The following AUTS2 variants were observed in gnomAD, a reference collection of about 807,000 sequenced individuals.
AUTS2 encodes the protein autism susceptibility gene 2 protein.
AUTS2 carries 17 observed loss-of-function variants against 112.4 expected under a neutral mutation model. That is an observed-to-expected ratio of 0.15 (90% CI 0.10 to 0.23). AUTS2 has a LOEUF of 0.23. Ranked by LOEUF, AUTS2 falls within the 10% of genes least tolerant of loss-of-function variation. The pLI is 1.00. For synonymous variants in AUTS2, 751 were observed against 702.7 expected, an observed-to-expected ratio of 1.07 and a Z score of -1.09; for missense variants, 1,510 against 1,701.6, an observed-to-expected ratio of 0.89 and a Z score of 1.98.
chr7:69,957,033 T>C (rs1004852517), intron 2 of AUTS2, among the ~76,000 whole-genome samples: 1 of 151,822 alleles, frequency 6.6e-6, no homozygotes, highest in African/African-American at 2.4e-5. Flanking sequence ...TGACTAAGTT[T>C]TTTCTTTTTG....
At chr7:69,749,841 CTT>C (rs1787661541) in intron 1 of AUTS2, among the ~76,000 whole-genome samples, 1 of 152,122 alleles carries the variant, frequency 6.6e-6, no homozygotes, top group Non-Finnish European at 1.5e-5. Flanking sequence ...CATTTTGCCT[CTT>C]GAGTGCCATT....
At chr7:70,076,103 C>G (rs1803015905) in intron 2 of AUTS2, among the ~76,000 whole-genome samples, 1 of 152,100 alleles carries the variant, frequency 6.6e-6, no homozygotes. Context: ...TTTACCAACC[C>G]CTGCTTTAGA....
chr7:69,627,774 A>G (rs1794027045), intron 1 of AUTS2, among the ~76,000 whole-genome samples: 1 of 152,162 alleles, frequency 6.6e-6, no homozygotes, highest in African/African-American at 2.4e-5. Context: ...CTTTGCCACT[A>G]CCTAGCTGTG....
At chr7:70,236,430 G>A (rs1812331085) in intron 4 of AUTS2, among the ~76,000 whole-genome samples, 1 of 152,108 alleles carries the variant, frequency 6.6e-6, no homozygotes, top group Admixed American at 6.6e-5. Flanking sequence ...TGAACATTTT[G>A]GGGGGAACTA....
intron 5 of AUTS2, among the ~76,000 whole-genome samples, chr7:70,553,252 A>G (rs1801088878): frequency 1.3e-5 from 2 of 152,100 alleles, no homozygotes; most frequent in Non-Finnish European, 2.9e-5. Flanking sequence ...CTTTTTTTCT[A>G]TTTGGTGGCA....
In AUTS2 at chr7:70,251,536, A is replaced by G. The variant is rs1025349225; in HGVS notation, c.660+116965A>G. 2.6e-5 allele frequency among the ~76,000 whole-genome samples: 4 copies of G among 152,070 alleles called. No homozygotes were observed. The East Asian group carries it at 5.8e-4, about 22-fold the overall frequency. On this transcript the variant is annotated intron_variant, in intron 4 of 18. Transcript: ENST00000342771. Reference sequence around the variant, plus strand: ...ATCAGTTTTGGAAAATTGTCTATTCAGTTTCTTTTCAAGTATTGCCAACTC... The same window carrying G: ...ATCAGTTTTGGAAAATTGTCTATTCGGTTTCTTTTCAAGTATTGCCAACTC...
Position 70,235,253 on chromosome 7 carries a change from C to T in AUTS2, c.660+100682C>T, listed in dbSNP as rs187349507. 2.5e-3 allele frequency among the ~76,000 whole-genome samples: 373 copies of T among 152,068 alleles called. 1 individual carries two copies. The highest frequency in any genetic ancestry group is 0.01 in the Middle Eastern group (3 of 292). On this transcript the variant is annotated intron_variant, in intron 4 of 18. Transcript: ENST00000342771. Reference sequence around the variant, plus strand: ...GGCTCAAGTGGTCCTTCTGCTTCAGCCTCCTGATTAGCTGGGACTGTAGTC... The same window carrying T: ...GGCTCAAGTGGTCCTTCTGCTTCAGTCTCCTGATTAGCTGGGACTGTAGTC...
At chr7:69,830,953 A>G (rs895421293) in intron 1 of AUTS2, among the ~76,000 whole-genome samples, 1 of 152,182 alleles carries the variant, frequency 6.6e-6, no homozygotes, top group African/African-American at 2.4e-5. Context: ...CACTAAACTA[A>G]GTATACTCCC....
chr7:69,970,766 T>C (rs898041088), intron 2 of AUTS2, among the ~76,000 whole-genome samples: 5 of 152,186 alleles, frequency 3.3e-5, no homozygotes, highest in African/African-American at 1.2e-4. Flanking sequence ...ATACACCTTA[T>C]TGTAATTTCT....
chr7:70,553,933 C>T (rs909488840), intron 5 of AUTS2, among the ~76,000 whole-genome samples: 12 of 149,268 alleles, frequency 8.0e-5, no homozygotes, highest in Admixed American at 1.3e-4. Flanking sequence ...ACACCCAACT[C>T]ATTTTTTTTT....
At chr7:69,889,643 T>A (rs1794431655) in intron 1 of AUTS2, among the ~76,000 whole-genome samples, 1 of 152,184 alleles carries the variant, frequency 6.6e-6, no homozygotes, top group South Asian at 2.1e-4. Flanking sequence ...AGATTTTTTT[T>A]AAAAAGAACA....
At chr7:70,382,607 C>T (rs1793421158) in intron 4 of AUTS2, among the ~76,000 whole-genome samples, 1 of 152,172 alleles carries the variant, frequency 6.6e-6, no homozygotes, top group Non-Finnish European at 1.5e-5. Context: ...GCTCCTTTGG[C>T]AGGCCCTAGT....
In AUTS2 at chr7:69,848,177, T is replaced by A. The variant is rs531716540; in HGVS notation, c.310-51109T>A. 7.9e-5 allele frequency among the ~76,000 whole-genome samples: 12 copies of A among 152,258 alleles called. No homozygotes were observed. In the South Asian group the frequency reaches 2.5e-3, roughly 32 times the overall value. Reference sequence around the variant, plus strand: ...GACCTTCTTCCTTCCTTAACATGATTGGATTTTGTTTTTACCTGAAAATAC... The same window carrying A: ...GACCTTCTTCCTTCCTTAACATGATAGGATTTTGTTTTTACCTGAAAATAC... On this transcript the variant is annotated intron_variant, in intron 1 of 18. Transcript: ENST00000342771.
At chr7:70,227,697 C>T (rs1811839388) in intron 4 of AUTS2, among the ~76,000 whole-genome samples, 1 of 152,198 alleles carries the variant, frequency 6.6e-6, no homozygotes, top group East Asian at 1.9e-4. Flanking sequence ...TCTCTTAACT[C>T]ATTGGCTATT....
intron 5 of AUTS2, among the ~76,000 whole-genome samples, chr7:70,471,297 A>G (rs957772410): frequency 1.1e-3 from 162 of 151,936 alleles, no homozygotes; most frequent in African/African-American, 3.5e-3. Context: ...AGAAAAGGGG[A>G]AAAAAAAGGC....
At chr7:70,214,848 T>C (rs977228731) in intron 4 of AUTS2, among the ~76,000 whole-genome samples, 5 of 152,264 alleles carry the variant, frequency 3.3e-5, no homozygotes, top group African/African-American at 4.8e-5. Context: ...AAGAAAACTC[T>C]AGTGTAGCAT....
intron 2 of AUTS2, among the ~76,000 whole-genome samples, chr7:70,104,629 A>G (rs1804673468): frequency 1.3e-5 from 2 of 152,218 alleles, no homozygotes; most frequent in Admixed American, 6.5e-5. Flanking sequence ...TCTGTTTGTT[A>G]TGATGAAACA....
intron 1 of AUTS2, among the ~76,000 whole-genome samples, chr7:69,723,530 A>G (rs1799074911): frequency 6.6e-6 from 1 of 152,132 alleles, no homozygotes; most frequent in African/African-American, 2.4e-5. Flanking sequence ...TTACAGGAAG[A>G]TACTGTATCT....
At chr7:70,582,960 T>C (rs1199025226) in intron 5 of AUTS2, among the ~76,000 whole-genome samples, 1 of 152,244 alleles carries the variant, frequency 6.6e-6, no homozygotes, top group Non-Finnish European at 1.5e-5. Context: ...CAAACTTCTT[T>C]GGGTTAAAAA....
Sources: gnomAD v4.1 joint callset for allele counts (sites outside exome capture counted in the v4.1 genomes callset) on GRCh38, gnomAD v4.1.1 for gene constraint, MANE v1.5 for transcripts, NCBI Gene and HGNC (gene_info 2026-07-23, HGNC 2026-07-21) for gene names.